GPD2: variants seen among roughly 807,000 people sequenced by gnomAD.
The protein encoded by GPD2 is glycerol-3-phosphate dehydrogenase, mitochondrial.
A neutral mutation model predicts 82.4 loss-of-function variants in GPD2; 54 were observed. That is an observed-to-expected ratio of 0.66 (90% CI 0.53 to 0.82). GPD2 has a LOEUF of 0.82. Ranked by LOEUF, GPD2 falls within the 40% of genes least tolerant of loss-of-function variation. The pLI is 0.00. For missense variants in GPD2, 748 were observed against 896.2 expected (o/e 0.83, Z 2.11); for synonymous variants, 288 against 306.1 (o/e 0.94, Z 0.62).
At chr2:156,460,413 A>G (rs1682949561) in intron 1 of GPD2, among the ~76,000 whole-genome samples, 1 of 152,226 alleles carries the variant, frequency 6.6e-6, no homozygotes, top group Non-Finnish European at 1.5e-5. Context: ...AAATGGGGAT[A>G]GGCCAGGCAT....
chr2:156,549,075 C>G (rs2105333181), intron 6 of GPD2, among the ~76,000 whole-genome samples: 1 of 152,196 alleles, frequency 6.6e-6, no homozygotes, highest in Non-Finnish European at 1.5e-5. Context: ...TTTTAAGAAG[C>G]CCTGATCAAA....
chr2:156,475,761 C>G (rs950069135), intron 1 of GPD2, among the ~76,000 whole-genome samples: 3 of 152,220 alleles, frequency 2.0e-5, no homozygotes, highest in African/African-American at 7.2e-5. Flanking sequence ...ACAAGTATAG[C>G]ATGCAGTTTT....
intron 6 of GPD2, among the ~76,000 whole-genome samples, chr2:156,533,002 G>T (rs1397350699): frequency 6.6e-6 from 1 of 152,204 alleles, no homozygotes; most frequent in East Asian, 1.9e-4. Flanking sequence ...GGCCTGAGGG[G>T]TGGTCAGGGA....
chr2:156,529,754 T>C (rs1685770943), intron 6 of GPD2, among the ~76,000 whole-genome samples: 1 of 151,362 alleles, frequency 6.6e-6, no homozygotes, highest in African/African-American at 2.4e-5. Flanking sequence ...GTTGTAGATA[T>C]GTGGCGTTAT....
intron 2 of GPD2, among the ~76,000 whole-genome samples, chr2:156,484,225 C>A (rs2105217771): frequency 6.6e-6 from 1 of 152,100 alleles, no homozygotes; most frequent in Admixed American, 6.5e-5. Context: ...ACCTCTGCCT[C>A]CCGGGTTCAA....
At chr2:156,473,009 A>G (rs1573904046) in intron 1 of GPD2, among the ~76,000 whole-genome samples, 1 of 152,338 alleles carries the variant, frequency 6.6e-6, no homozygotes, top group East Asian at 1.9e-4. Context: ...TACCTAGTAA[A>G]TAATAAATGG....
intron 1 of GPD2, among the ~76,000 whole-genome samples, chr2:156,441,781 G>A (rs1682184810): frequency 6.6e-6 from 1 of 152,142 alleles, no homozygotes. Flanking sequence ...TGGGCAGTTA[G>A]TGTCAGATTG....
At chr2:156,581,770 A>G (rs1453677240) in intron 16 of GPD2, among the ~76,000 whole-genome samples, 1 of 152,114 alleles carries the variant, frequency 6.6e-6, no homozygotes, top group Non-Finnish European at 1.5e-5. Flanking sequence ...CTAATAAGCA[A>G]TAGCTTGTGA....
At chr2:156,436,551 G>C (rs902160548) in intron 1 of GPD2, 38 bp downstream of exon 1, 1 of 152,284 alleles carries the variant, frequency 6.6e-6, no homozygotes, top group African/African-American at 2.4e-5. Context: ...CCCGCCTCTA[G>C]TATTCTAGGG....
chr2:156,437,245 A>G, intron 1 of GPD2, among the ~76,000 whole-genome samples: 1 of 152,256 alleles, frequency 6.6e-6, no homozygotes, highest in East Asian at 1.9e-4. Context: ...ACTTGTATAA[A>G]TAGGTGAGGG....
chr2:156,459,686 C>CAAAA (rs564494059), intron 1 of GPD2, among the ~76,000 whole-genome samples: 14,027 of 38,562 alleles, frequency 0.36, 3,971 homozygotes, highest in Non-Finnish European at 0.48. Flanking sequence ...GACTCCGTCT[C>CAAAA]AAAAAAAAAA....
At chr2:156,553,730 G>T (rs140055941) in intron 8 of GPD2, among the ~76,000 whole-genome samples, 1 of 152,078 alleles carries the variant, frequency 6.6e-6, no homozygotes, top group African/African-American at 2.4e-5. Context: ...TGGTCATGTT[G>T]CATATATTGT....
At chr2:156,412,578 T>C in the GPD2 span, among the ~76,000 whole-genome samples, 1 of 152,192 alleles carries the variant, frequency 6.6e-6, no homozygotes, top group Non-Finnish European at 1.5e-5. Flanking sequence ...GGCATACAAT[T>C]GTATGTATCT....
At chr2:156,478,154 A>G (rs1293169643) in intron 2 of GPD2, among the ~76,000 whole-genome samples, 1 of 151,998 alleles carries the variant, frequency 6.6e-6, no homozygotes, top group Non-Finnish European at 1.5e-5. Flanking sequence ...AACAGAAGAG[A>G]CTCTGGCCCC....
At chr2:156,430,948 T>C (rs890764226), upstream of GPD2, among the ~76,000 whole-genome samples, 2 of 152,260 alleles carry the variant, frequency 1.3e-5, no homozygotes, top group Non-Finnish European at 2.9e-5. Context: ...AACTTCTTGC[T>C]CATTTTGTTA....
intron 6 of GPD2, among the ~76,000 whole-genome samples, chr2:156,538,926 G>T (rs567183877): frequency 2.0e-4 from 30 of 151,054 alleles, no homozygotes; most frequent in African/African-American, 6.8e-4. Flanking sequence ...ATCTGTTAAA[G>T]ATATCTTTGT....
chr2:156,462,355 G>A (rs1413962496), intron 1 of GPD2, among the ~76,000 whole-genome samples: 1 of 151,550 alleles, frequency 6.6e-6, no homozygotes, highest in African/African-American at 2.4e-5. Context: ...GCGTGATCTC[G>A]GCTCACTGCA....
the GPD2 span, among the ~76,000 whole-genome samples, chr2:156,401,027 A>G: frequency 1.3e-5 from 2 of 152,268 alleles, no homozygotes; most frequent in Admixed American, 6.5e-5. Context: ...AAAGTGAAAT[A>G]GGGAATTGGC....
intron 9 of GPD2, among the ~76,000 whole-genome samples, chr2:156,563,373 G>A (rs1054011097): frequency 1.3e-5 from 2 of 152,126 alleles, no homozygotes; most frequent in African/African-American, 4.8e-5. Flanking sequence ...CTGGCAGTAT[G>A]AGAACTAGAA....
Sources: allele counts gnomAD v4.1 joint callset (sites outside exome capture counted in the v4.1 genomes callset), GRCh38; gene constraint gnomAD v4.1.1; transcripts MANE v1.5; gene names NCBI Gene and HGNC (gene_info 2026-07-23, HGNC 2026-07-21).